The following ADAMTSL1 variants were observed in gnomAD, a reference collection of about 807,000 sequenced individuals.
The protein encoded by ADAMTSL1 is ADAMTS like 1, also known as ADAMTS-like protein 1.
In ADAMTSL1, 126 loss-of-function variants were observed where a neutral mutation model predicts 201.8. The ratio of observed to expected loss-of-function variants is 0.62; its 90% CI spans 0.54 to 0.72. The LOEUF is 0.72. Ranked by LOEUF, ADAMTSL1 falls within the 30% of genes least tolerant of loss-of-function variation. ADAMTSL1 has a pLI of 0.00. For synonymous variants in ADAMTSL1, 1,121 were observed against 903.4 expected, an observed-to-expected ratio of 1.24 and a Z score of -4.32; for missense variants, 2,679 against 2,277.8, an observed-to-expected ratio of 1.18 and a Z score of -3.59.
chr9:18,717,416 T>G lies in ADAMTSL1; in HGVS notation c.1877-4120T>G, dbSNP rs1002774800. On this transcript the variant is annotated intron_variant, in intron 14 of 28. Transcript: ENST00000380548. ...GACAAGATCACTGTCTCCATAGGTT[T>G]TTGAAACATTTTTAAAAACTATATA... is the stretch of plus-strand genomic sequence containing the variant. 2.0e-5 allele frequency among the ~76,000 whole-genome samples: 3 copies of G among 152,164 alleles called. No homozygotes were observed. The East Asian group carries it at 5.8e-4, about 29-fold the overall frequency.
intron 14 of ADAMTSL1, 101 bp downstream of exon 14, chr9:18,707,149 TA>T (rs1250291033): frequency 9.2e-6 from 13 of 1,409,324 alleles, no homozygotes; most frequent in Admixed American, 7.0e-5. Context: ...CCAAGAATGA[TA>T]AGCAGGAGGA....
chr9:18,775,990 G>T, intron 18 of ADAMTSL1, 94 bp downstream of exon 18: 1 of 1,442,780 alleles, frequency 6.9e-7, no homozygotes. Flanking sequence ...CTCAAGACCT[G>T]TGGGAAATAG....
chr9:18,199,183 G>A (rs953718089), intron 2 of ADAMTSL1, among the ~76,000 whole-genome samples: 17 of 151,496 alleles, frequency 1.1e-4, no homozygotes, highest in Middle Eastern at 3.2e-3. Context: ...TGGGTGCAGT[G>A]CACCAGCATG....
chr9:17,924,453 TGTGGGATCG>T (rs376095234), intron 1 of ADAMTSL1, among the ~76,000 whole-genome samples: 1 of 152,306 alleles, frequency 6.6e-6, no homozygotes, highest in African/African-American at 2.4e-5. Context: ...TTTGTATTTC[TGTGGGATCG>T]GTGGTGATAT....
intron 2 of ADAMTSL1, among the ~76,000 whole-genome samples, chr9:18,215,366 A>C (rs1238139995): frequency 6.6e-6 from 1 of 152,194 alleles, no homozygotes; most frequent in East Asian, 1.9e-4. Flanking sequence ...TTATGGGAAA[A>C]CCTTAACTAT....
At chr9:18,238,677 A>T (rs1308867240) in intron 2 of ADAMTSL1, among the ~76,000 whole-genome samples, 2 of 152,200 alleles carry the variant, frequency 1.3e-5, no homozygotes, top group African/African-American at 4.8e-5. Context: ...GAACCAAATG[A>T]CATAACTTTT....
intron 1 of ADAMTSL1, among the ~76,000 whole-genome samples, chr9:18,153,706 G>A (rs866629288): frequency 7.2e-5 from 11 of 151,978 alleles, no homozygotes; most frequent in Admixed American, 3.3e-4. Context: ...AAGTCATTAC[G>A]CTTAGAATTA....
At chr9:18,439,481 C>A (rs1288017624) in intron 2 of ADAMTSL1, among the ~76,000 whole-genome samples, 1 of 152,178 alleles carries the variant, frequency 6.6e-6, no homozygotes, top group Non-Finnish European at 1.5e-5. Context: ...ATTCTCCTGC[C>A]TCAGCCTCCC....
At chr9:18,564,406 G>C (rs73644246) in intron 3 of ADAMTSL1, among the ~76,000 whole-genome samples, 4,635 of 152,216 alleles carry the variant, frequency 0.03, 87 homozygotes, top group African/African-American at 0.041. Flanking sequence ...AAATCACCTG[G>C]CTTCTATGTT....
intron 2 of ADAMTSL1, among the ~76,000 whole-genome samples, chr9:18,514,572 C>T (rs894986028): frequency 2.6e-5 from 4 of 152,022 alleles, no homozygotes; most frequent in African/African-American, 4.8e-5. Context: ...CCTCATGATC[C>T]GCCCGCCTCG....
At chr9:18,680,574 C>T (rs749563466) in intron 11 of ADAMTSL1, 58 bp downstream of exon 11, 13 of 1,579,448 alleles carry the variant, frequency 8.2e-6, no homozygotes, top group Non-Finnish European at 1.0e-5. Flanking sequence ...TCCCTCTCAT[C>T]ATCATGGCCC....
intron 2 of ADAMTSL1, among the ~76,000 whole-genome samples, chr9:18,230,413 C>T (rs565352260): frequency 6.3e-4 from 96 of 152,160 alleles, no homozygotes; most frequent in Non-Finnish European, 9.0e-4. Context: ...GTCCCCTGGG[C>T]TGAAGAGCAA....
intron 7 of ADAMTSL1, among the ~76,000 whole-genome samples, chr9:18,649,491 G>T (rs894742691): frequency 6.6e-6 from 1 of 152,092 alleles, no homozygotes; most frequent in Non-Finnish European, 1.5e-5. Flanking sequence ...CAGTTTTTCT[G>T]CTCTGTTTTC....
At chr9:18,349,599 C>T (rs1024667311) in intron 2 of ADAMTSL1, among the ~76,000 whole-genome samples, 3 of 152,242 alleles carry the variant, frequency 2.0e-5, no homozygotes, top group African/African-American at 4.8e-5. Context: ...GAGAGGGTCC[C>T]TGCCTTAGTG....
intron 2 of ADAMTSL1, among the ~76,000 whole-genome samples, chr9:18,305,557 G>A (rs535172357): frequency 1.4e-4 from 21 of 152,284 alleles, no homozygotes; most frequent in Middle Eastern, 3.4e-3. Context: ...TTGAGTAGGC[G>A]GTTTTCCCCT....
chr9:18,216,213 T>G (rs1830050172), intron 2 of ADAMTSL1, among the ~76,000 whole-genome samples: 2 of 152,222 alleles, frequency 1.3e-5, no homozygotes, highest in South Asian at 2.1e-4. Flanking sequence ...CAACTTTTGT[T>G]GTTCGTTGTC....
At position 18,828,697 on chromosome 9, in the gene ADAMTSL1, ATGTGTG is replaced by A. The variant is rs1229290689; in HGVS notation, c.4115-1138_4115-1133del. Among the ~76,000 whole-genome samples, 250 of 42,490 alleles carry A rather than the reference ATGTGTG, an allele frequency of 5.9e-3. 2 individuals carry two copies. The highest frequency in any genetic ancestry group is 0.018 in the African/African-American group (238 of 13,282). 27.9% of individuals were successfully genotyped at this position (42,490 alleles called of 152,430 possible). A position where few individuals can be genotyped will look rare whatever the true frequency, so the allele number is the denominator to read the frequency against. On this transcript the variant is annotated intron_variant, in intron 22 of 28. Transcript: ENST00000380548. ...ATATATATATATATATATATATAAA[ATGTGTG>A]TGTGTGTATATATATATATGTACAC...
intron 1 of ADAMTSL1, among the ~76,000 whole-genome samples, chr9:18,045,953 T>C (rs1821642306): frequency 6.6e-6 from 1 of 152,150 alleles, no homozygotes; most frequent in Non-Finnish European, 1.5e-5. Flanking sequence ...AACACTGAGA[T>C]ATTGAAGAAG....
chr9:18,898,259 C>A (rs766776940), intron 26 of ADAMTSL1, among the ~76,000 whole-genome samples: 4 of 152,094 alleles, frequency 2.6e-5, no homozygotes, highest in Non-Finnish European at 4.4e-5. Flanking sequence ...TGCAAAGAAG[C>A]CGAGAATCAC....
Sources: allele counts gnomAD v4.1 joint callset (sites outside exome capture counted in the v4.1 genomes callset), GRCh38; gene constraint gnomAD v4.1.1; transcripts MANE v1.5; gene names NCBI Gene and HGNC (gene_info 2026-07-23, HGNC 2026-07-21).